The following RUNX1 variants were observed in gnomAD, a reference collection of about 807,000 sequenced individuals.
RUNX1 encodes RUNX family transcription factor 1.
Under a neutral mutation model 42.8 loss-of-function variants are expected in RUNX1, and 19 were observed. That is an observed-to-expected ratio of 0.44 (90% CI 0.31 to 0.65). The LOEUF (loss-of-function observed/expected upper bound fraction) is 0.65, where lower values mean the gene tolerates loss of function less well. Ranked by LOEUF, RUNX1 falls within the 30% of genes least tolerant of loss-of-function variation. The pLI is 0.07. For missense variants in RUNX1, 528 were observed against 672.0 expected (o/e 0.79, Z 2.37); for synonymous variants, 271 against 289.4 (o/e 0.94, Z 0.64).
intron 2 of RUNX1, among the ~76,000 whole-genome samples, chr21:34,979,163 CCTGGGTTCTGGA>C (rs2058827392): frequency 6.6e-6 from 1 of 152,104 alleles, no homozygotes; most frequent in Admixed American, 6.5e-5. Context: ...TATTCCCATG[CCTGGGTTCTGGA>C]ATAGCATCTG....
chr21:35,047,276 C>A (rs1256390388), intron 2 of RUNX1, among the ~76,000 whole-genome samples: 5 of 151,898 alleles, frequency 3.3e-5, no homozygotes, highest in African/African-American at 1.2e-4. Context: ...GTTAGCAGCC[C>A]AGAGGAAATG....
intron 6 of RUNX1, among the ~76,000 whole-genome samples, chr21:34,844,457 C>T (rs894607651): frequency 1.3e-5 from 2 of 152,182 alleles, no homozygotes; most frequent in African/African-American, 4.8e-5. Context: ...AATCTCAGTT[C>T]CCCTCCCGCA....
intron 4 of RUNX1, among the ~76,000 whole-genome samples, chr21:34,882,994 A>G (rs1278514354): frequency 6.6e-6 from 1 of 152,198 alleles, no homozygotes; most frequent in Non-Finnish European, 1.5e-5. Context: ...GAAAATAAAT[A>G]AATCTTCTTT....
chr21:34,987,845 G>A (rs1346914588), intron 2 of RUNX1, among the ~76,000 whole-genome samples: 2 of 152,194 alleles, frequency 1.3e-5, no homozygotes, highest in East Asian at 3.8e-4. Flanking sequence ...CTAGCTTCGT[G>A]TGCAGACTTG....
intron 2 of RUNX1, among the ~76,000 whole-genome samples, chr21:35,016,487 A>G (rs1258189089): frequency 6.6e-6 from 1 of 152,182 alleles, no homozygotes; most frequent in Non-Finnish European, 1.5e-5. Context: ...AAGTAATTGG[A>G]GATCTGGGTC....
chr21:34,817,156 G>A (rs575668318), intron 7 of RUNX1, among the ~76,000 whole-genome samples: 7 of 152,300 alleles, frequency 4.6e-5, no homozygotes, highest in East Asian at 1.9e-4. Flanking sequence ...GTCTTCACAC[G>A]TCACTCAAGG....
At chr21:35,038,766 T>G (rs1169604244) in intron 2 of RUNX1, 2 of 455,906 alleles carry the variant, frequency 4.4e-6, no homozygotes, top group Admixed American at 2.4e-5. Context: ...TGGGTTCCAA[T>G]TTTTATACAA....
chr21:35,019,859 G>A (rs934624473), intron 2 of RUNX1, among the ~76,000 whole-genome samples: 5 of 152,082 alleles, frequency 3.3e-5, no homozygotes, highest in East Asian at 1.9e-4. Context: ...CAGTGCACGC[G>A]GCTTCAACTT....
At chr21:34,839,260 A>G (rs183635572) in intron 6 of RUNX1, among the ~76,000 whole-genome samples, 6 of 150,454 alleles carry the variant, frequency 4.0e-5, no homozygotes, top group African/African-American at 1.2e-4. Flanking sequence ...ACACACTCGG[A>G]ATGTACACTC....
At chr21:34,939,197 C>T (rs1601591665) in intron 2 of RUNX1, among the ~76,000 whole-genome samples, 1 of 152,168 alleles carries the variant, frequency 6.6e-6, no homozygotes. Context: ...AAAAATTATC[C>T]TCTGGAACAA....
chr21:34,859,868 TAG>T (rs2057546747), intron 5 of RUNX1, among the ~76,000 whole-genome samples: 1 of 152,232 alleles, frequency 6.6e-6, no homozygotes, highest in African/African-American at 2.4e-5. Flanking sequence ...CCGGAAACCA[TAG>T]AGTCAGATTG....
intron 8 of RUNX1, among the ~76,000 whole-genome samples, chr21:34,794,747 C>T (rs2056501675): frequency 6.6e-6 from 1 of 152,194 alleles, no homozygotes; most frequent in African/African-American, 2.4e-5. Context: ...AGTTTCTCAA[C>T]TGTTGACACT....
chr21:34,873,356 G>A (rs777441721), intron 5 of RUNX1, among the ~76,000 whole-genome samples: 6 of 152,174 alleles, frequency 3.9e-5, no homozygotes, highest in Non-Finnish European at 8.8e-5. Flanking sequence ...GGACAGGCAC[G>A]TCCTTGGGAT....
chr21:34,947,745 C>T (rs915171419), intron 2 of RUNX1, among the ~76,000 whole-genome samples: 1 of 152,192 alleles, frequency 6.6e-6, no homozygotes, highest in African/African-American at 2.4e-5. Context: ...CTCAGAGGTC[C>T]GCCACAGTCT....
At chr21:34,988,160 A>G (rs2058906376) in intron 2 of RUNX1, among the ~76,000 whole-genome samples, 1 of 152,156 alleles carries the variant, frequency 6.6e-6, no homozygotes, top group Non-Finnish European at 1.5e-5. Flanking sequence ...CCTGCACCAC[A>G]TCGGGTGCCA....
intron 2 of RUNX1, among the ~76,000 whole-genome samples, chr21:35,029,472 G>A (rs1416365285): frequency 6.6e-6 from 1 of 152,142 alleles, no homozygotes; most frequent in East Asian, 1.9e-4. Flanking sequence ...TAAGGCATTG[G>A]GCAGGTGAGT....
intron 6 of RUNX1, among the ~76,000 whole-genome samples, chr21:34,858,079 T>C (rs940397296): frequency 8.5e-5 from 13 of 152,206 alleles, no homozygotes; most frequent in Admixed American, 6.5e-5. Flanking sequence ...AGGAACACCA[T>C]ATCCTGGTGG....
At chr21:34,846,576 G>A (rs1448614971) in intron 6 of RUNX1, among the ~76,000 whole-genome samples, 6 of 147,048 alleles carry the variant, frequency 4.1e-5, no homozygotes, top group Non-Finnish European at 3.0e-5. Context: ...GGTCTAAGAG[G>A]AGACATGAGC....
chr21:35,017,570 G>C (rs979064849), intron 2 of RUNX1, among the ~76,000 whole-genome samples: 2 of 152,158 alleles, frequency 1.3e-5, no homozygotes, highest in Non-Finnish European at 2.9e-5. Context: ...AGGCTATCTG[G>C]TGTGACTTTG....
Sources: allele counts gnomAD v4.1 joint callset (sites outside exome capture counted in the v4.1 genomes callset), GRCh38; gene constraint gnomAD v4.1.1; transcripts MANE v1.5; gene names NCBI Gene and HGNC (gene_info 2026-07-23, HGNC 2026-07-21).